TSPAN14: variants seen among roughly 807,000 people sequenced by gnomAD.
TSPAN14 encodes the protein tetraspanin-14.
A neutral mutation model predicts 36.6 loss-of-function variants in TSPAN14; 16 were observed. That is an observed-to-expected ratio of 0.44 (90% confidence interval 0.30 to 0.66). The LOEUF (loss-of-function observed/expected upper bound fraction) is 0.66, where lower values mean the gene tolerates loss of function less well. Ranked by LOEUF, TSPAN14 falls within the 30% of genes least tolerant of loss-of-function variation. The probability of loss-of-function intolerance (pLI) is 0.12; values close to 1 mark genes in which losing one functional copy is unlikely to be tolerated. For missense variants in TSPAN14, 231 were observed against 355.1 expected (o/e 0.65, Z 2.81); for synonymous variants, 139 against 143.8 (o/e 0.97, Z 0.24).
intron 1 of TSPAN14, among the ~76,000 whole-genome samples, chr10:80,464,751 G>C (rs1846151374): frequency 6.6e-6 from 1 of 152,166 alleles, no homozygotes; most frequent in Non-Finnish European, 1.5e-5. Flanking sequence ...TGGCCTGGTG[G>C]CAGTGAGGGC....
intron 1 of TSPAN14, among the ~76,000 whole-genome samples, chr10:80,464,655 A>G (rs1431227520): frequency 2.0e-5 from 3 of 152,186 alleles, no homozygotes; most frequent in Non-Finnish European, 2.9e-5. Context: ...TTGCGGTTAC[A>G]TGCAGTCCCC....
chr10:80,501,638 T>C (rs1442030871), intron 2 of TSPAN14, among the ~76,000 whole-genome samples: 2 of 152,176 alleles, frequency 1.3e-5, no homozygotes, highest in Non-Finnish European at 2.9e-5. Context: ...GAATGTCTGT[T>C]GGGAATGCTG....
chr10:80,516,382 C>CTT, intron 8 of TSPAN14, 59 bp downstream of exon 8: 1 of 1,611,026 alleles, frequency 6.2e-7, no homozygotes, highest in Non-Finnish European at 8.5e-7. Context: ...AGATTGGGCC[C>CTT]TTAACATAGA....
At chr10:80,457,921 T>C (rs144339516) in intron 1 of TSPAN14, among the ~76,000 whole-genome samples, 1 of 152,318 alleles carries the variant, frequency 6.6e-6, no homozygotes, top group Non-Finnish European at 1.5e-5. Flanking sequence ...CCCATAGTGA[T>C]TAGTGGGAAC....
At chr10:80,473,784 G>A (rs10749604) in intron 1 of TSPAN14, among the ~76,000 whole-genome samples, 64,284 of 150,370 alleles carry the variant, frequency 0.43, 15,875 homozygotes, top group East Asian at 0.88. Context: ...GTTTCTGGTG[G>A]CCCCTGGATT....
At chr10:80,516,432 G>T (rs1840945210) in intron 8 of TSPAN14, 109 bp downstream of exon 8, 3 of 1,504,976 alleles carry the variant, frequency 2.0e-6, no homozygotes, top group Non-Finnish European at 2.7e-6. Flanking sequence ...AAGGAAGCTT[G>T]CAGAAGAAAA....
At chr10:80,466,199 T>C (rs541039411) in intron 1 of TSPAN14, among the ~76,000 whole-genome samples, 95 of 152,328 alleles carry the variant, frequency 6.2e-4, no homozygotes, top group African/African-American at 2.2e-3. Flanking sequence ...AGCCAAGTCT[T>C]ACAAATCAAG....
At chr10:80,476,913 A>G (rs751629821) in intron 1 of TSPAN14, among the ~76,000 whole-genome samples, 1 of 152,126 alleles carries the variant, frequency 6.6e-6, no homozygotes. Flanking sequence ...GCCCAAATCA[A>G]ATTGTTGGCA....
rs911503131 is a variant in TSPAN14 at position 80,514,076 on chromosome 10, A to G, written c.621+13A>G. 2 of 1,609,774 alleles carry G rather than the reference A, an allele frequency of 1.2e-6. No individual in the cohort carries two copies. Among genetic ancestry groups the G allele is most frequent in the African/African-American group, 1.3e-5 (1 of 74,864 alleles). On this transcript the variant is annotated intron_variant, in intron 7 of 8. Coordinates refer to ENST00000429989, the Ensembl canonical transcript of TSPAN14. ...TGTCAGGATTCAGGTGAGAACTCCC[A>G]TGTATACAACTTGAAGAGTTCTTTA... is the stretch of plus-strand genomic sequence containing the variant.
At chr10:80,461,028 G>C (rs1845937819) in intron 1 of TSPAN14, among the ~76,000 whole-genome samples, 2 of 152,166 alleles carry the variant, frequency 1.3e-5, no homozygotes, top group African/African-American at 4.8e-5. Flanking sequence ...TGGGCATTTT[G>C]CCTATGGGAG....
chr10:80,478,339 A>G (rs920474069), intron 1 of TSPAN14, among the ~76,000 whole-genome samples: 3 of 152,162 alleles, frequency 2.0e-5, no homozygotes, highest in African/African-American at 7.2e-5. Flanking sequence ...TGAATAATAA[A>G]TAAGGCAGAA....
intron 2 of TSPAN14, among the ~76,000 whole-genome samples, chr10:80,493,416 G>A (rs1848025191): frequency 6.6e-6 from 1 of 152,214 alleles, no homozygotes; most frequent in South Asian, 2.1e-4. Context: ...ATAACCAATA[G>A]AGCTGAAAGC....
intron 3 of TSPAN14, among the ~76,000 whole-genome samples, chr10:80,505,602 T>C (rs1192952643): frequency 2.0e-5 from 3 of 152,216 alleles, no homozygotes; most frequent in Non-Finnish European, 4.4e-5. Context: ...TTTCCTGCCA[T>C]GGTCTTAGGG....
Position 80,513,955 on chromosome 10 carries a change from A to G in TSPAN14, c.577-64A>G, listed in dbSNP as rs931083887. ...GCTAGTGTTTGGTTGTGACTTTACT[A>G]GAGCCTCTTAGCACCAGCTTCTTGA... On this transcript the variant is annotated intron_variant, in intron 6 of 8. Transcript: ENST00000429989. The G allele has an allele frequency of 1.4e-5, 20 of 1,434,642 alleles. No homozygotes were observed. The Admixed American group carries it at 2.8e-4, about 20-fold the overall frequency. The allele number at this position is 1,434,642 out of a possible 1,614,324, so 88.9% of individuals were successfully genotyped here. A position where few individuals can be genotyped will look rare whatever the true frequency, so the allele number is the denominator to read the frequency against.
At chr10:80,466,974 C>G (rs1323694266) in intron 1 of TSPAN14, among the ~76,000 whole-genome samples, 2 of 152,070 alleles carry the variant, frequency 1.3e-5, no homozygotes, top group African/African-American at 4.8e-5. Flanking sequence ...AAGCTTTGTC[C>G]AAAAATTTAG....
intron 2 of TSPAN14, among the ~76,000 whole-genome samples, chr10:80,491,468 G>T (rs1332279704): frequency 2.0e-5 from 3 of 152,164 alleles, no homozygotes; most frequent in Non-Finnish European, 4.4e-5. Flanking sequence ...CTCTCTGTGG[G>T]TGTGCTGCTT....
chr10:80,459,102 GC>G (rs1845858905), intron 1 of TSPAN14, among the ~76,000 whole-genome samples: 1 of 152,124 alleles, frequency 6.6e-6, no homozygotes, highest in Admixed American at 6.5e-5. Context: ...AAGATCCAAA[GC>G]CCCTGAGTTA....
intron 1 of TSPAN14, among the ~76,000 whole-genome samples, chr10:80,479,769 G>A (rs7079546): frequency 0.014 from 2,161 of 150,924 alleles, 45 homozygotes; most frequent in African/African-American, 0.048. Flanking sequence ...TTGACTTGGC[G>A]ATGCGGGCTC....
intron 1 of TSPAN14, among the ~76,000 whole-genome samples, chr10:80,463,742 G>A (rs1846095384): frequency 6.6e-6 from 1 of 152,242 alleles, no homozygotes; most frequent in Non-Finnish European, 1.5e-5. Context: ...ACTAGATGTG[G>A]AGTTACTGCA....
Sources: gnomAD v4.1 joint callset for allele counts (sites outside exome capture counted in the v4.1 genomes callset) on GRCh38, gnomAD v4.1.1 for gene constraint, MANE v1.5 for transcripts, NCBI Gene and HGNC (gene_info 2026-07-23, HGNC 2026-07-21) for gene names.